Variants in PARP8 observed in about 807,000 individuals in gnomAD.
PARP8 encodes the protein protein mono-ADP-ribosyltransferase PARP8.
A neutral mutation model predicts 124.1 loss-of-function variants in PARP8; 51 were observed. The ratio of observed to expected loss-of-function variants is 0.41; its 90% CI spans 0.33 to 0.52. The LOEUF (loss-of-function observed/expected upper bound fraction) is 0.52. Among genes scored for constraint, PARP8 ranks in the 20% least tolerant of loss-of-function variants. PARP8 has a pLI of 0.21. For synonymous variants in PARP8, 391 were observed against 361.5 expected (o/e 1.08, Z -0.93); for missense variants, 860 against 1,018.9 (o/e 0.84, Z 2.12).
intron 9 of PARP8, among the ~76,000 whole-genome samples, chr5:50,784,711 C>T (rs2149624758): frequency 6.6e-6 from 1 of 152,104 alleles, no homozygotes; most frequent in African/African-American, 2.4e-5. Context: ...TATAAAAGAA[C>T]ATTTGTTTGT....
At chr5:50,800,474 GC>G (rs2149662479) in intron 14 of PARP8, among the ~76,000 whole-genome samples, 1 of 151,964 alleles carries the variant, frequency 6.6e-6, no homozygotes, top group East Asian at 1.9e-4. Flanking sequence ...ATTAGAAGTG[GC>G]AAGAAAAGAA....
intron 9 of PARP8, among the ~76,000 whole-genome samples, chr5:50,783,200 A>G (rs42284): frequency 0.15 from 23,501 of 151,842 alleles, 2,210 homozygotes; most frequent in African/African-American, 0.27. Flanking sequence ...AAGGGGAGAC[A>G]GGGAAGGGAG....
intron 2 of PARP8, among the ~76,000 whole-genome samples, chr5:50,729,348 G>A (rs762766690): frequency 2.0e-5 from 3 of 151,986 alleles, no homozygotes; most frequent in Non-Finnish European, 2.9e-5. Context: ...TTAATACATT[G>A]CATAATTGTT....
intron 2 of PARP8, among the ~76,000 whole-genome samples, chr5:50,733,727 T>A (rs1450502117): frequency 6.6e-6 from 1 of 152,206 alleles, no homozygotes; most frequent in Non-Finnish European, 1.5e-5. Flanking sequence ...AAATCTAATG[T>A]TTTTACATCA....
At chr5:50,717,246 G>A (rs1755408979) in intron 2 of PARP8, among the ~76,000 whole-genome samples, 1 of 151,946 alleles carries the variant, frequency 6.6e-6, no homozygotes, top group Non-Finnish European at 1.5e-5. Flanking sequence ...AAAAATGATG[G>A]TGGCTTGAGT....
In PARP8 at chr5:50,667,200, T is replaced by A. The variant is rs1447926245; in HGVS notation, c.91+14T>A. ...GCCTGTTTGCAGGTGAGTTCTTGCT[T>A]TTCCAGAACCTCGGACCCAGCGCCC... is the stretch of plus-strand genomic sequence containing the variant. On this transcript the variant is annotated intron_variant, in intron 1 of 25. Transcript: ENST00000281631. The A allele has an allele frequency of 6.3e-7, 1 of 1,596,222 alleles. No individual in the cohort carries two copies. The highest frequency in any genetic ancestry group is 2.2e-5 in the East Asian group (1 of 44,858).
chr5:50,822,199 CCAAA>C (rs1204706212), intron 16 of PARP8, 132 bp from the exon 17 acceptor site: 1 of 686,648 alleles, frequency 1.5e-6, no homozygotes, highest in Non-Finnish European at 2.6e-6. Flanking sequence ...TTTATGTACA[CCAAA>C]CAGTCATTTC....
intron 14 of PARP8, among the ~76,000 whole-genome samples, chr5:50,799,975 T>G (rs1255049946): frequency 1.3e-5 from 2 of 152,196 alleles, no homozygotes; most frequent in South Asian, 2.1e-4. Flanking sequence ...AATAAATATT[T>G]GTTGTTATAA....
At position 50,846,107 on chromosome 5, in the gene PARP8, T is replaced by C. The variant is rs1488253866; in HGVS notation, c.*4039T>C. On this transcript the variant is annotated 3_prime_UTR_variant, in exon 26 of 26. Transcript: ENST00000281631. ...CAGTAAAAAATAGTGCTTATTTACA[T>C]AGTCAATATAATTTAATGTTCTAAA... 6.6e-6 allele frequency: 1 copy of C among 151,844 alleles called. No individual in the cohort carries two copies. Among genetic ancestry groups the C allele is most frequent in the Non-Finnish European group, 1.5e-5 (1 of 67,832 alleles). 9.4% of individuals were successfully genotyped at this position (151,844 alleles called of 1,614,324 possible).
At chr5:50,700,767 G>A (rs1753510306) in intron 2 of PARP8, among the ~76,000 whole-genome samples, 2 of 152,138 alleles carry the variant, frequency 1.3e-5, no homozygotes, top group Admixed American at 1.3e-4. Flanking sequence ...TTCTTCCTGC[G>A]AATACAATGT....
chr5:50,813,069 AAT>A (rs1260881076), intron 14 of PARP8, among the ~76,000 whole-genome samples: 2 of 152,160 alleles, frequency 1.3e-5, no homozygotes, highest in African/African-American at 4.8e-5. Context: ...TTGTCTTAAC[AAT>A]GTGGGCTCTT....
Position 50,839,819 on chromosome 5 carries a change from T to A in PARP8, c.2463-2147T>A, listed in dbSNP as rs760154272. Reference sequence around the variant, plus strand: ...TCATATCTTCTCCACTAACTTCTAATGCTTTTTAAGTGTCAGGGTACATAT... The same window carrying A: ...TCATATCTTCTCCACTAACTTCTAAAGCTTTTTAAGTGTCAGGGTACATAT... On this transcript the variant is annotated intron_variant, in intron 25 of 25. Transcript: ENST00000281631. Among the ~76,000 whole-genome samples, 13 of 151,926 alleles carry A rather than the reference T, an allele frequency of 8.6e-5. 1 individual carries two copies. Among genetic ancestry groups the A allele is most frequent in the Admixed American group, 8.6e-4 (13 of 15,196 alleles).
rs181357992 is a variant in PARP8, at chr5:50,735,059, G to T, written c.147-15092G>T. ...CGCAATGTAGGGTATGTAGTGACTG[G>T]AATAACATTTTTATAAGATAGATTG... On this transcript the variant is annotated intron_variant, in intron 2 of 25. Coordinates refer to ENST00000281631, the MANE Select transcript of PARP8 (RefSeq NM_024615.4). Among the ~76,000 whole-genome samples the T allele has an allele frequency of 1.4e-3, 219 of 152,086 alleles. 2 individuals carry two copies. The highest frequency in any genetic ancestry group is 5.2e-3 in the African/African-American group (215 of 41,524).
intron 2 of PARP8, among the ~76,000 whole-genome samples, chr5:50,735,884 G>C (rs904104045): frequency 6.6e-6 from 1 of 151,780 alleles, no homozygotes; most frequent in Non-Finnish European, 1.5e-5. Context: ...AGCTGGGGGA[G>C]GGCTTAAGAA....
intron 16 of PARP8, 48 bp downstream of exon 16, chr5:50,821,386 A>G: frequency 1.3e-6 from 2 of 1,598,784 alleles, no homozygotes; most frequent in Non-Finnish European, 1.7e-6. Context: ...CTTTAACAAT[A>G]ACAACAATAT....
chr5:50,722,207 A>C (rs1019453826), intron 2 of PARP8, among the ~76,000 whole-genome samples: 1 of 152,114 alleles, frequency 6.6e-6, no homozygotes, highest in African/African-American at 2.4e-5. Flanking sequence ...TTTCTTTGCC[A>C]TTCATTTCTC....
intron 2 of PARP8, among the ~76,000 whole-genome samples, chr5:50,736,708 A>G (rs1381497796): frequency 6.6e-6 from 1 of 152,200 alleles, no homozygotes; most frequent in Admixed American, 6.5e-5. Context: ...ATTTATGCCT[A>G]TCATTCCAAT....
At chr5:50,822,823 A>G (rs1489200598) in intron 17 of PARP8, among the ~76,000 whole-genome samples, 1 of 152,136 alleles carries the variant, frequency 6.6e-6, no homozygotes, top group Non-Finnish European at 1.5e-5. Context: ...TCCCAAAACC[A>G]CTTTGGAAGA....
At chr5:50,708,118 T>G (rs956766589) in intron 2 of PARP8, among the ~76,000 whole-genome samples, 2 of 152,258 alleles carry the variant, frequency 1.3e-5, no homozygotes, top group African/African-American at 4.8e-5. Flanking sequence ...CATTATTGTT[T>G]TTTCCCTAAT....
Sources: gnomAD v4.1 joint callset for allele counts (sites outside exome capture counted in the v4.1 genomes callset) on GRCh38, gnomAD v4.1.1 for gene constraint, MANE v1.5 for transcripts, NCBI Gene and HGNC (gene_info 2026-07-23, HGNC 2026-07-21) for gene names.